PSMA1: variants seen among roughly 807,000 people sequenced by gnomAD.
The protein encoded by PSMA1 is proteasome subunit alpha type-1.
PSMA1 carries 3 observed loss-of-function variants against 38.4 expected under a neutral mutation model. That is an observed-to-expected ratio of 0.08 (90% CI 0.04 to 0.20). The LOEUF is 0.20. Ranked by LOEUF, PSMA1 falls within the 10% of genes least tolerant of loss-of-function variation. The probability of loss-of-function intolerance (pLI) is 1.00; values close to 1 mark genes in which losing one functional copy is unlikely to be tolerated. For missense variants in PSMA1, 227 were observed against 325.3 expected (o/e 0.70, Z 2.32); for synonymous variants, 101 against 107.1 (o/e 0.94, Z 0.35).
chr11:14,585,463 T>C (rs1285613538), intron 2 of PSMA1, among the ~76,000 whole-genome samples: 1 of 152,240 alleles, frequency 6.6e-6, no homozygotes, highest in Non-Finnish European at 1.5e-5. Context: ...GGATGAGTCA[T>C]TGCCAAATTA....
chr11:14,547,717 C>G (rs1226752426), intron 2 of PSMA1, among the ~76,000 whole-genome samples: 1 of 152,086 alleles, frequency 6.6e-6, no homozygotes, highest in Non-Finnish European at 1.5e-5. Context: ...CTGTGGGGGA[C>G]CAGGATAGGT....
chr11:14,613,105 TA>T (rs1464884949), intron 1 of PSMA1, among the ~76,000 whole-genome samples: 1 of 152,140 alleles, frequency 6.6e-6, no homozygotes, highest in Non-Finnish European at 1.5e-5. Context: ...TAGAGGATTT[TA>T]ACAAATAAAG....
chr11:14,545,483 C>A (rs778444446), intron 2 of PSMA1, among the ~76,000 whole-genome samples: 1 of 152,144 alleles, frequency 6.6e-6, no homozygotes, highest in Non-Finnish European at 1.5e-5. Context: ...CTCGTACAGG[C>A]CCCAGCATGT....
chr11:14,521,691 G>T (rs111958966), upstream of PSMA1, among the ~76,000 whole-genome samples: 529 of 151,212 alleles, frequency 3.5e-3, 6 homozygotes, highest in African/African-American at 0.013. Context: ...GCTTGAACCC[G>T]GGAGGCGGAG....
chr11:14,607,569 T>C (rs1488602022), intron 2 of PSMA1, among the ~76,000 whole-genome samples: 3 of 152,154 alleles, frequency 2.0e-5, no homozygotes, highest in African/African-American at 4.8e-5. Flanking sequence ...TTATATAGTA[T>C]GTAACTTTGG....
rs1045483593 is a variant in PSMA1 at position 14,590,752 on chromosome 11, T to C, written c.21+20214A>G. Among the ~76,000 whole-genome samples the C allele has an allele frequency of 6.6e-5, 10 of 152,180 alleles. No homozygotes were observed. The East Asian group carries it at 7.7e-4, about 12-fold the overall frequency. ...GTTTGCCATGGCTAGAAGTTAAAAC[T>C]ACACAAACGCAAGATCAAAACCCGA... On this transcript the variant is annotated intron_variant, in intron 2 of 10. Transcript: ENST00000418988.
intron 1 of PSMA1, among the ~76,000 whole-genome samples, chr11:14,613,876 A>C (rs1016428393): frequency 6.6e-6 from 1 of 152,194 alleles, no homozygotes; most frequent in African/African-American, 2.4e-5. Flanking sequence ...ACAGTTTTTC[A>C]TACATTTATA....
chr11:14,543,579 G>A (rs1851795116), intron 2 of PSMA1, among the ~76,000 whole-genome samples: 1 of 151,536 alleles, frequency 6.6e-6, no homozygotes, highest in Non-Finnish European at 1.5e-5. Context: ...TGTGTACAGA[G>A]AAAGTCAAAT....
At chr11:14,640,891 G>A (rs376527814) in intron 1 of PSMA1, among the ~76,000 whole-genome samples, 1 of 152,258 alleles carries the variant, frequency 6.6e-6, no homozygotes, top group South Asian at 2.1e-4. Context: ...TTTAAAATGT[G>A]TCAGACCACT....
chr11:14,597,823 T>G (rs1354423327), intron 2 of PSMA1, among the ~76,000 whole-genome samples: 1 of 152,194 alleles, frequency 6.6e-6, no homozygotes, highest in Non-Finnish European at 1.5e-5. Flanking sequence ...CTTCTCTAGT[T>G]CTTTTAATTG....
chr11:14,627,061 C>T (rs2133715193), intron 1 of PSMA1, among the ~76,000 whole-genome samples: 1 of 152,184 alleles, frequency 6.6e-6, no homozygotes, highest in Admixed American at 6.5e-5. Flanking sequence ...TTTTTTTCTC[C>T]ATCCCTGGTG....
At chr11:14,584,453 T>G (rs1589999617) in intron 2 of PSMA1, among the ~76,000 whole-genome samples, 1 of 152,054 alleles carries the variant, frequency 6.6e-6, no homozygotes, top group East Asian at 1.9e-4. Flanking sequence ...TCAAAATAAG[T>G]GTCAGTTAAT....
At chr11:14,604,876 CAT>C (rs1197841510) in intron 2 of PSMA1, among the ~76,000 whole-genome samples, 1 of 152,188 alleles carries the variant, frequency 6.6e-6, no homozygotes, top group Non-Finnish European at 1.5e-5. Context: ...CTGCAAAGAA[CAT>C]GAGTTCATCC....
chr11:14,514,206 T>C lies in PSMA1; in HGVS notation c.343+197A>G, dbSNP rs141459910. 1,286 of 1,346,102 alleles carry C rather than the reference T, an allele frequency of 9.6e-4. 15 individuals are homozygous for C. In the African/African-American group the frequency reaches 0.017, roughly 18 times the overall value. 83.4% of individuals were successfully genotyped at this position (1,346,102 alleles called of 1,614,324 possible). ...CCCCTCTAAAAAGATGCTTAGATGA[T>C]TTTCCTGAAGTTGGGCTTATTTGTG... is the stretch of plus-strand genomic sequence containing the variant. On this transcript the variant is annotated intron_variant, in intron 5 of 9. Transcript: ENST00000396394.
chr11:14,613,984 T>C (rs1490426009), intron 1 of PSMA1, among the ~76,000 whole-genome samples: 1 of 152,216 alleles, frequency 6.6e-6, no homozygotes, highest in Non-Finnish European at 1.5e-5. Flanking sequence ...TAAATATTTA[T>C]ATTGAACTTA....
At chr11:14,577,502 T>C (rs994292665) in intron 2 of PSMA1, among the ~76,000 whole-genome samples, 2 of 152,146 alleles carry the variant, frequency 1.3e-5, no homozygotes, top group Non-Finnish European at 2.9e-5. Context: ...ACCTGCCTCA[T>C]CTTGAAATCA....
At chr11:14,583,014 A>G (rs1852301186) in intron 2 of PSMA1, among the ~76,000 whole-genome samples, 1 of 152,156 alleles carries the variant, frequency 6.6e-6, no homozygotes, top group Non-Finnish European at 1.5e-5. Context: ...TGATTTTAAC[A>G]GCTCTGCGCT....
At chr11:14,610,904 C>G in intron 2 of PSMA1, 1 of 1,549,056 alleles carries the variant, frequency 6.5e-7, no homozygotes, top group Non-Finnish European at 8.9e-7. Flanking sequence ...TGTGGGGGCT[C>G]ACATAGTGAG....
intron 1 of PSMA1, among the ~76,000 whole-genome samples, chr11:14,633,508 G>T (rs1246516259): frequency 2.0e-5 from 3 of 152,074 alleles, no homozygotes; most frequent in Admixed American, 6.5e-5. Flanking sequence ...CAGATCTCCA[G>T]CTGCGTGCTG....
Sources: gnomAD v4.1 joint callset for allele counts (sites outside exome capture counted in the v4.1 genomes callset) on GRCh38, gnomAD v4.1.1 for gene constraint, MANE v1.5 for transcripts, NCBI Gene and HGNC (gene_info 2026-07-23, HGNC 2026-07-21) for gene names.